Variants in ROS1 observed in about 807,000 individuals in gnomAD.
The protein encoded by ROS1 is proto-oncogene tyrosine-protein kinase ROS.
In ROS1, 263 loss-of-function variants were observed where a neutral mutation model predicts 273.5. The observed-to-expected ratio is 0.96, with a 90% confidence interval of 0.87 to 1.06. ROS1 has a LOEUF of 1.06. Ranked by LOEUF, ROS1 falls within the 50% of genes least tolerant of loss-of-function variation. ROS1 has a pLI of 0.00. For synonymous variants in ROS1, 1,008 were observed against 954.1 expected, an observed-to-expected ratio of 1.06 and a Z score of -1.04; for missense variants, 2,833 against 2,751.1, an observed-to-expected ratio of 1.03 and a Z score of -0.67.
In ROS1 at chr6:117,308,941, G is replaced by A. The variant is rs2128546478; in HGVS notation, c.6417-13C>T. On this transcript the variant is annotated splice_polypyrimidine_tract_variant and intron_variant, in intron 41 of 43. Coordinates refer to ENST00000368507, the MANE Select transcript of ROS1 (RefSeq NM_001378902.1). ...AATTCCAAAAGACCTAAGAATAGTA[G>A]AGGGTTTGCTTTAATTATACTTATT... is the stretch of plus-strand genomic sequence containing the variant. The A allele has an allele frequency of 5.6e-6, 9 of 1,609,686 alleles. No homozygotes were observed. The highest frequency in any genetic ancestry group is 7.6e-6 in the Non-Finnish European group (9 of 1,178,202).
chr6:117,294,848 A>T (rs1163259407), intron 43 of ROS1, among the ~76,000 whole-genome samples: 1 of 152,210 alleles, frequency 6.6e-6, no homozygotes, highest in Non-Finnish European at 1.5e-5. Context: ...ATGCTCAAGG[A>T]TTGGAAGAAT....
chr6:117,291,841 T>C (rs755525435), intron 43 of ROS1, among the ~76,000 whole-genome samples: 2 of 152,176 alleles, frequency 1.3e-5, no homozygotes, highest in Non-Finnish European at 2.9e-5. Flanking sequence ...AGATGAACTA[T>C]GCAATGCAAA....
intron 7 of ROS1, among the ~76,000 whole-genome samples, chr6:117,398,628 G>A (rs1450558198): frequency 2.1e-5 from 3 of 146,090 alleles, no homozygotes; most frequent in African/African-American, 5.1e-5. Context: ...GCAGTGAGCC[G>A]AAATTGTGCC....
At chr6:117,377,823 GA>G (rs2128682473) in intron 18 of ROS1, among the ~76,000 whole-genome samples, 1 of 150,676 alleles carries the variant, frequency 6.6e-6, no homozygotes, top group Admixed American at 6.6e-5. Flanking sequence ...CTTATATACA[GA>G]ACAACCCAAT....
intron 17 of ROS1, among the ~76,000 whole-genome samples, chr6:117,382,605 G>A (rs1283755649): frequency 1.3e-5 from 2 of 152,120 alleles, no homozygotes; most frequent in African/African-American, 2.4e-5. Flanking sequence ...AACTTAGATG[G>A]ATACCTAGTG....
At chr6:117,406,312 G>C (rs1265686688) in intron 5 of ROS1, among the ~76,000 whole-genome samples, 1 of 151,616 alleles carries the variant, frequency 6.6e-6, no homozygotes, top group African/African-American at 2.4e-5. Context: ...AGATATGGGA[G>C]GTATCTAAAG....
rs183292526 is a variant in ROS1 at position 117,330,266 on chromosome 6, T to C, written c.5231-820A>G. On this transcript the variant is annotated intron_variant, in intron 32 of 43. Transcript: ENST00000368507. Reference sequence around the variant, plus strand: ...CCATCCTTCCTCAGTGGGTGGGGCTTCCCTGCAGAATCTTCAGTAACTGCA... The same window carrying C: ...CCATCCTTCCTCAGTGGGTGGGGCTCCCCTGCAGAATCTTCAGTAACTGCA... Among the ~76,000 whole-genome samples, 608 of 152,174 alleles carry C rather than the reference T, an allele frequency of 4.0e-3. 5 individuals are homozygous for C. Among genetic ancestry groups the C allele is most frequent in the African/African-American group, 0.014 (591 of 41,528 alleles).
At chr6:117,317,024 C>T in intron 39 of ROS1, 119 bp downstream of exon 39, 1 of 1,057,140 alleles carries the variant, frequency 9.5e-7, no homozygotes, top group Non-Finnish European at 1.3e-6. Context: ...CAGAATAATT[C>T]TTTCCATGTA....
chr6:117,389,281 C>G, intron 13 of ROS1, 69 bp downstream of exon 13: 1 of 1,505,538 alleles, frequency 6.6e-7, no homozygotes, highest in African/African-American at 1.4e-5. Flanking sequence ...TGAATCACAA[C>G]GCCAAGCAGT....
intron 43 of ROS1, among the ~76,000 whole-genome samples, chr6:117,290,516 CA>C (rs1374766046): frequency 6.6e-6 from 1 of 152,194 alleles, no homozygotes; most frequent in Non-Finnish European, 1.5e-5. Context: ...ATGCACTGGG[CA>C]ACCTCTTTAA....
intron 43 of ROS1, among the ~76,000 whole-genome samples, chr6:117,300,191 T>TCCGC (rs1774605047): frequency 6.8e-6 from 1 of 147,848 alleles, no homozygotes; most frequent in South Asian, 2.2e-4. Context: ...GACCTCATGA[T>TCCGC]CCGCCCGCCT....
In ROS1 at chr6:117,389,752, A is replaced by C. The variant is rs769199680; in HGVS notation, c.1384T>G (p.Cys462Gly). The change falls in exon 13 of 44, where the codon TGC (cysteine) becomes GGC (glycine). Residue 462 changes from cysteine (C) to glycine (G), a missense_variant. Cys to Gly is a radical substitution (Grantham distance 159). Coordinates refer to ENST00000368507, the MANE Select transcript of ROS1 (RefSeq NM_001378902.1). Reference protein sequence around the residue: ...CAEAVRIVESCTLKDFAIKPQ... With the variant: ...CAEAVRIVESGTLKDFAIKPQ... ...TTGATTGCAAAGTCCTTTAACGTGC[A>C]ACTCTCCACAATACGCACAGCTTCT... 3 of 1,614,184 alleles carry C rather than the reference A, an allele frequency of 1.9e-6. No individual in the cohort carries two copies. The highest frequency in any genetic ancestry group is 3.3e-5 in the Admixed American group (2 of 60,016).
In ROS1 at chr6:117,324,370, A is replaced by G. The variant is rs1357854573; in HGVS notation, c.5585T>C (p.Val1862Ala). ...GATTGTAACAACCAGAAATATTCCA[A>G]CTATAATAGTAAGTATGAAACTTGT... Reference protein sequence around the residue: ...PETSFILTIIVGIFLVVTIPL... With the variant: ...PETSFILTIIAGIFLVVTIPL... The change falls in exon 35 of 44, where the codon GTT (valine) becomes GCT (alanine). Residue 1862 changes from valine to alanine, a missense_variant. Transcript: ENST00000368507. 1 of 1,530,840 alleles carries G rather than the reference A, an allele frequency of 6.5e-7. No individual in the cohort carries two copies. The highest frequency in any genetic ancestry group is 9.0e-7 in the Non-Finnish European group (1 of 1,112,148). The allele number at this position is 1,530,840 out of a possible 1,614,324, so 94.8% of individuals were successfully genotyped here.
chr6:117,381,949 T>C (rs1772190512), intron 17 of ROS1, among the ~76,000 whole-genome samples: 1 of 152,152 alleles, frequency 6.6e-6, no homozygotes, highest in South Asian at 2.1e-4. Flanking sequence ...CTCACTCATT[T>C]ATGGGGAAGT....
At chr6:117,421,467 G>A (rs1450571049) in intron 1 of ROS1, among the ~76,000 whole-genome samples, 1 of 151,806 alleles carries the variant, frequency 6.6e-6, no homozygotes, top group African/African-American at 2.4e-5. Context: ...ATGCTTTTGT[G>A]TACCCATAGC....
In ROS1 at chr6:117,389,643, A is replaced by G. The variant is rs1190556321; in HGVS notation, c.1493T>C (p.Leu498Pro). ...STFLDGSASH[L>P]ILPRIPFADV... ...AGCAAAGGGGATGCGAGGTAGGATG[A>G]GATGGGAAGCAGAGCCATCCAGAAA... The change falls in exon 13 of 44, where the codon CTC becomes CCC. Residue 498 changes from leucine to proline, a missense_variant. Leu to Pro is a moderately conservative substitution (Grantham distance 98, BLOSUM62 -3). Coordinates refer to ENST00000368507, the MANE Select transcript of ROS1 (RefSeq NM_001378902.1). 1 of 1,614,232 alleles carries G rather than the reference A, an allele frequency of 6.2e-7. No individual in the cohort carries two copies. Among genetic ancestry groups the G allele is most frequent in the Admixed American group, 1.7e-5 (1 of 60,022 alleles).
intron 16 of ROS1, among the ~76,000 whole-genome samples, chr6:117,384,087 T>G (rs1036895833): frequency 6.6e-6 from 1 of 152,208 alleles, no homozygotes; most frequent in Non-Finnish European, 1.5e-5. Context: ...TAATAAGAGA[T>G]AGAGAAAATA....
intron 33 of ROS1, among the ~76,000 whole-genome samples, chr6:117,326,887 C>G (rs1005954202): frequency 6.6e-6 from 1 of 152,182 alleles, no homozygotes; most frequent in African/African-American, 2.4e-5. Flanking sequence ...ATCATTATAT[C>G]TGAGATTCTG....
chr6:117,339,499 A>G (rs1208977293), intron 31 of ROS1, among the ~76,000 whole-genome samples: 1 of 152,162 alleles, frequency 6.6e-6, no homozygotes, highest in African/African-American at 2.4e-5. Context: ...GTATGCAGTT[A>G]CGGTATTATT....
Sources: allele counts gnomAD v4.1 joint callset (sites outside exome capture counted in the v4.1 genomes callset), GRCh38; gene constraint gnomAD v4.1.1; transcripts MANE v1.5; gene names NCBI Gene and HGNC (gene_info 2026-07-23, HGNC 2026-07-21).